ASIC2: variants seen among roughly 807,000 people sequenced by gnomAD.
ASIC2 encodes the protein acid sensing ion channel subunit 2, also known as acid-sensing ion channel 2.
ASIC2 carries 25 observed loss-of-function variants against 57.3 expected under a neutral mutation model. The ratio of observed to expected loss-of-function variants is 0.44; its 90% CI spans 0.32 to 0.61. The LOEUF (loss-of-function observed/expected upper bound fraction) is 0.61, where lower values mean the gene tolerates loss of function less well. ASIC2 is among the 20% of genes least tolerant of loss of function. The pLI, the probability that ASIC2 is intolerant of heterozygous loss-of-function variation, is 0.06. For missense variants in ASIC2, 641 were observed against 738.1 expected (o/e 0.87, Z 1.52); for synonymous variants, 319 against 307.5 (o/e 1.04, Z -0.39).
chr17:34,080,010 A>G (rs900945538), intron 1 of ASIC2, among the ~76,000 whole-genome samples: 6 of 152,160 alleles, frequency 3.9e-5, no homozygotes, highest in African/African-American at 1.2e-4. Flanking sequence ...ACTTAAATGC[A>G]GTATCATGAA....
At chr17:33,742,466 T>C (rs1420592674) in intron 1 of ASIC2, among the ~76,000 whole-genome samples, 1 of 152,178 alleles carries the variant, frequency 6.6e-6, no homozygotes, top group Non-Finnish European at 1.5e-5. Context: ...TGTATTAGAA[T>C]TGGCTTGTGG....
At chr17:33,253,958 G>T (rs1908970615) in intron 1 of ASIC2, among the ~76,000 whole-genome samples, 1 of 152,140 alleles carries the variant, frequency 6.6e-6, no homozygotes. Context: ...GGGTTCCCAG[G>T]ATCTTGTTTC....
chr17:33,502,868 CCTT>C (rs966051502), intron 1 of ASIC2, among the ~76,000 whole-genome samples: 6 of 152,132 alleles, frequency 3.9e-5, no homozygotes, highest in African/African-American at 1.4e-4. Flanking sequence ...CATCACTGTT[CCTT>C]CTTCTTTTGT....
chr17:34,131,700 GA>G (rs1217503061), intron 1 of ASIC2, among the ~76,000 whole-genome samples: 1 of 152,244 alleles, frequency 6.6e-6, no homozygotes, highest in Non-Finnish European at 1.5e-5. Flanking sequence ...AAACAAAGGA[GA>G]AATATTTCAG....
At chr17:33,630,800 GTTA>G (rs924030148) in intron 1 of ASIC2, among the ~76,000 whole-genome samples, 8 of 152,160 alleles carry the variant, frequency 5.3e-5, no homozygotes, top group African/African-American at 1.7e-4. Context: ...GTAAGCATTA[GTTA>G]TTATTGTTTG....
intron 1 of ASIC2, among the ~76,000 whole-genome samples, chr17:33,388,846 C>A (rs1213745096): frequency 6.6e-6 from 1 of 152,238 alleles, no homozygotes. Flanking sequence ...CCTGTGGTAA[C>A]CCAGCAATCC....
chr17:33,131,731 T>C (rs1428611263), intron 1 of ASIC2: 1 of 152,266 alleles, frequency 6.6e-6, no homozygotes, highest in African/African-American at 2.4e-5. Context: ...AAGAGGACCA[T>C]GAGTGGCCAT....
chr17:33,287,780 A>G (rs1905256117), intron 1 of ASIC2, among the ~76,000 whole-genome samples: 1 of 152,192 alleles, frequency 6.6e-6, no homozygotes, highest in African/African-American at 2.4e-5. Context: ...GGCCTCCTCT[A>G]GAACTCCATC....
chr17:34,029,211 T>A (rs1465719124), intron 1 of ASIC2, among the ~76,000 whole-genome samples: 2 of 152,162 alleles, frequency 1.3e-5, no homozygotes, highest in Non-Finnish European at 2.9e-5. Flanking sequence ...TTGTCTATCT[T>A]TCTTGTCTAC....
chr17:33,620,545 G>T (rs951669609), intron 1 of ASIC2, among the ~76,000 whole-genome samples: 5 of 152,218 alleles, frequency 3.3e-5, no homozygotes, highest in African/African-American at 1.2e-4. Context: ...TCTAGTGACA[G>T]CCTGTGAGAA....
At chr17:33,405,560 T>A (rs1207211122) in intron 1 of ASIC2, among the ~76,000 whole-genome samples, 1 of 150,454 alleles carries the variant, frequency 6.6e-6, no homozygotes, top group Non-Finnish European at 1.5e-5. Flanking sequence ...CTTGGCTCAC[T>A]GCAACCTCTG....
chr17:33,235,666 C>A (rs979205839), intron 1 of ASIC2, among the ~76,000 whole-genome samples: 2 of 152,088 alleles, frequency 1.3e-5, no homozygotes, highest in African/African-American at 4.8e-5. Flanking sequence ...GCAGAAGGAA[C>A]CTGCCCTGGA....
At chr17:33,216,888 G>T (rs1219059508) in intron 1 of ASIC2, among the ~76,000 whole-genome samples, 1 of 152,286 alleles carries the variant, frequency 6.6e-6, no homozygotes, top group South Asian at 2.1e-4. Flanking sequence ...TCAGGGGGTT[G>T]TTTGAATAAT....
chr17:33,434,169 AT>A (rs1164795349), intron 1 of ASIC2, among the ~76,000 whole-genome samples: 8 of 151,858 alleles, frequency 5.3e-5, no homozygotes, highest in African/African-American at 1.9e-4. Context: ...AAAAAGACAA[AT>A]GGTATTTGAG....
At chr17:33,059,650 T>TCCC (rs2092012620) in intron 3 of ASIC2, among the ~76,000 whole-genome samples, 2 of 152,224 alleles carry the variant, frequency 1.3e-5, no homozygotes, top group African/African-American at 4.8e-5. Context: ...AGCAGCATGA[T>TCCC]TTATAGTCCT....
At chr17:34,141,160 T>TA (rs35314607) in intron 1 of ASIC2, among the ~76,000 whole-genome samples, 107,146 of 148,342 alleles carry the variant, frequency 0.72, 38,545 homozygotes, top group South Asian at 0.8. Context: ...CTTGAATTAT[T>TA]AAAAAAAAAA....
intron 1 of ASIC2, among the ~76,000 whole-genome samples, chr17:33,181,101 TC>T (rs924651408): frequency 1.3e-5 from 2 of 152,106 alleles, no homozygotes; most frequent in African/African-American, 2.4e-5. Flanking sequence ...GAGATTACCA[TC>T]CACCAGGGGT....
At chr17:34,152,599 C>T (rs562203986) in intron 1 of ASIC2, among the ~76,000 whole-genome samples, 2 of 152,366 alleles carry the variant, frequency 1.3e-5, no homozygotes, top group East Asian at 3.9e-4. Context: ...TGGAAACCAA[C>T]CCCACCTTCC....
chr17:33,689,774 TC>T (rs1908309813), intron 1 of ASIC2, among the ~76,000 whole-genome samples: 1 of 152,198 alleles, frequency 6.6e-6, no homozygotes, highest in South Asian at 2.1e-4. Context: ...GTGACCAGTG[TC>T]CTCTTCAGTG....
Sources: allele counts gnomAD v4.1 joint callset (sites outside exome capture counted in the v4.1 genomes callset), GRCh38; gene constraint gnomAD v4.1.1; transcripts MANE v1.5; gene names NCBI Gene and HGNC (gene_info 2026-07-23, HGNC 2026-07-21).